Variants in SEL1L3 observed in about 807,000 individuals in gnomAD.
SEL1L3 encodes the protein SEL1L family member 3.
Under a neutral mutation model 142.8 loss-of-function variants are expected in SEL1L3, and 76 were observed. The observed-to-expected ratio is 0.53, with a 90% CI of 0.44 to 0.64. The LOEUF is 0.64. Ranked by LOEUF, SEL1L3 falls within the 30% of genes least tolerant of loss-of-function variation. The probability of loss-of-function intolerance (pLI) is 0.00; values close to 1 mark genes in which losing one functional copy is unlikely to be tolerated. For missense variants in SEL1L3, 1,262 were observed against 1,381.7 expected, an observed-to-expected ratio of 0.91 and a Z score of 1.37; for synonymous variants, 504 against 519.6, an observed-to-expected ratio of 0.97 and a Z score of 0.41.
At chr4:25,851,769 G>A (rs778440491) in intron 1 of SEL1L3, among the ~76,000 whole-genome samples, 13 of 151,666 alleles carry the variant, frequency 8.6e-5, no homozygotes, top group Non-Finnish European at 1.8e-4. Flanking sequence ...CATGTCTGTA[G>A]TCCCAGCTAC....
chr4:25,795,250 T>C (rs1712640057), intron 11 of SEL1L3, among the ~76,000 whole-genome samples: 1 of 152,152 alleles, frequency 6.6e-6, no homozygotes, highest in Non-Finnish European at 1.5e-5. Flanking sequence ...TGAAAGAGCT[T>C]AGCAAAGTGC....
rs548597588 is a variant in SEL1L3, at chr4:25,803,976, C to G, written c.1776+565G>C. 7.2e-5 allele frequency among the ~76,000 whole-genome samples: 11 copies of G among 152,218 alleles called. No homozygotes were observed. In the South Asian group the frequency reaches 2.1e-3, roughly 29 times the overall value. Reference sequence around the variant, plus strand: ...GCATGAGCCAATTCTTTGTAAGAAACCTCTTCCTATATATATCTAATCCCA... The same window carrying G: ...GCATGAGCCAATTCTTTGTAAGAAAGCTCTTCCTATATATATCTAATCCCA... On this transcript the variant is annotated intron_variant, in intron 10 of 23. Coordinates refer to ENST00000399878, the MANE Select transcript of SEL1L3 (RefSeq NM_015187.5).
rs1407189142 is a variant in SEL1L3 at position 25,847,721 on chromosome 4, C to A, written c.306G>T (p.Glu102Asp). Reference sequence around the variant, plus strand: ...CAACACAAGGCTGAGAGCATAAATACTCAACCGAGACTTCAGAAACGTTGC... The same window carrying A: ...CAACACAAGGCTGAGAGCATAAATAATCAACCGAGACTTCAGAAACGTTGC... ...NVRNVSEVSV[E>D]YLCSQPCVVN... The change falls in exon 2 of 24, where the codon GAG (glutamate) becomes GAT (aspartate). Residue 102 changes from glutamate (E) to aspartate (D), a missense_variant. Transcript: ENST00000399878. The A allele has an allele frequency of 3.1e-6, 5 of 1,613,786 alleles. No homozygotes were observed. The highest frequency in any genetic ancestry group is 4.2e-6 in the Non-Finnish European group (5 of 1,179,894).
chr4:25,749,750 G>A (rs1469978129), intron 23 of SEL1L3, among the ~76,000 whole-genome samples: 1 of 152,192 alleles, frequency 6.6e-6, no homozygotes, highest in Admixed American at 6.5e-5. Context: ...ACATTAGTGA[G>A]AAATATCACG....
chr4:25,828,295 T>C (rs1476557909), intron 6 of SEL1L3, among the ~76,000 whole-genome samples: 2 of 143,160 alleles, frequency 1.4e-5, no homozygotes, highest in Non-Finnish European at 2.9e-5. Context: ...AAAACAGGAA[T>C]TTTTTTTTAA....
chr4:25,809,706 G>T (rs935593376), intron 9 of SEL1L3, among the ~76,000 whole-genome samples: 1 of 151,754 alleles, frequency 6.6e-6, no homozygotes, highest in African/African-American at 2.4e-5. Context: ...GAAAAGCATA[G>T]CCCATTGTTT....
the SEL1L3 span, chr4:25,718,324 C>A: frequency 6.6e-6 from 1 of 152,144 alleles, no homozygotes; most frequent in Non-Finnish European, 1.5e-5. Context: ...ACAAAGAGTT[C>A]TCCTGCTAGA....
chr4:25,718,034 A>G, the SEL1L3 span: 1 of 152,180 alleles, frequency 6.6e-6, no homozygotes, highest in African/African-American at 2.4e-5. Context: ...GCAGGCTTCT[A>G]TTGTTAGATC....
At chr4:25,808,885 C>A (rs1490731181) in intron 9 of SEL1L3, among the ~76,000 whole-genome samples, 2 of 152,224 alleles carry the variant, frequency 1.3e-5, no homozygotes, top group Admixed American at 6.5e-5. Context: ...CTGGCTAACA[C>A]GGTGAAACCC....
chr4:25,832,875 G>T, intron 5 of SEL1L3, 120 bp downstream of exon 5: 1 of 632,954 alleles, frequency 1.6e-6, no homozygotes, highest in South Asian at 1.9e-5. Context: ...TAGTTGTAAC[G>T]AGTCTATCAT....
At chr4:25,732,503 C>T in the SEL1L3 span, among the ~76,000 whole-genome samples, 18 of 152,170 alleles carry the variant, frequency 1.2e-4, no homozygotes, top group Admixed American at 3.9e-4. Context: ...TCATTGCCAA[C>T]GCTAGTCTTT....
the SEL1L3 span, among the ~76,000 whole-genome samples, chr4:25,725,371 A>G: frequency 1.3e-5 from 2 of 149,802 alleles, no homozygotes; most frequent in African/African-American, 5.0e-5. Flanking sequence ...GCTGGAGTAC[A>G]GTGGCACAAT....
intron 6 of SEL1L3, among the ~76,000 whole-genome samples, chr4:25,827,432 A>G (rs1470548376): frequency 6.6e-6 from 1 of 152,220 alleles, no homozygotes; most frequent in African/African-American, 2.4e-5. Context: ...GCCACGAGCC[A>G]AGGAGCTACC....
the SEL1L3 span, among the ~76,000 whole-genome samples, chr4:25,730,745 A>G: frequency 5.3e-5 from 8 of 152,020 alleles, no homozygotes; most frequent in Non-Finnish European, 1.0e-4. Flanking sequence ...AGATTCCTCT[A>G]CGGCCAGGCA....
the SEL1L3 span, among the ~76,000 whole-genome samples, chr4:25,733,501 A>AT: frequency 4.9e-4 from 59 of 120,390 alleles, no homozygotes; most frequent in African/African-American, 8.8e-4. Context: ...TTGTTATAGT[A>AT]TTTTTTTTTT....
intron 23 of SEL1L3, among the ~76,000 whole-genome samples, chr4:25,749,155 G>A (rs1004766579): frequency 6.6e-6 from 1 of 152,104 alleles, no homozygotes; most frequent in East Asian, 1.9e-4. Context: ...AGACATTTTG[G>A]TTGTAAAATG....
Position 25,846,912 on chromosome 4 carries a change from CAAAAAAAAAAA to C in SEL1L3, c.733+371_733+381del, listed in dbSNP as rs71184268. ...TGGGCAACAGAACAAGACTCCATCTCAAAAAAAAAAAAAAAAAAAAAAGAGGAAACTTTAGC... is the reference window on the plus strand; with the variant it reads ...TGGGCAACAGAACAAGACTCCATCTCAAAAAAAAAAAGAGGAAACTTTAGC... On this transcript the variant is annotated intron_variant, in intron 2 of 23. Transcript: ENST00000399878. 1.3e-4 allele frequency among the ~76,000 whole-genome samples: 9 copies of C among 71,802 alleles called. No individual in the cohort carries two copies. In the Middle Eastern group the frequency reaches 0.043, roughly 344 times the overall value. 47.1% of individuals were successfully genotyped at this position (71,802 alleles called of 152,430 possible). A position where few individuals can be genotyped will look rare whatever the true frequency, so the allele number is the denominator to read the frequency against.
intron 11 of SEL1L3, among the ~76,000 whole-genome samples, chr4:25,793,509 C>T (rs886198047): frequency 6.6e-6 from 1 of 151,972 alleles, no homozygotes; most frequent in Non-Finnish European, 1.5e-5. Context: ...TGGTCTTGAA[C>T]TCCTGGGCTC....
intron 1 of SEL1L3, among the ~76,000 whole-genome samples, chr4:25,852,080 C>G (rs1228767730): frequency 3.3e-5 from 5 of 152,050 alleles, no homozygotes; most frequent in Non-Finnish European, 2.9e-5. Flanking sequence ...TTTATGTTCT[C>G]GTTTATGCTG....
Sources: gnomAD v4.1 joint callset for allele counts (sites outside exome capture counted in the v4.1 genomes callset) on GRCh38, gnomAD v4.1.1 for gene constraint, MANE v1.5 for transcripts, NCBI Gene and HGNC (gene_info 2026-07-23, HGNC 2026-07-21) for gene names.